Variants in MKLN1 observed in about 807,000 individuals in gnomAD.
The protein encoded by MKLN1 is muskelin 1.
A neutral mutation model predicts 99.0 loss-of-function variants in MKLN1; 18 were observed. The ratio of observed to expected loss-of-function variants is 0.18; its 90% confidence interval spans 0.13 to 0.27. The LOEUF is 0.27. Among genes scored for constraint, MKLN1 ranks in the 10% least tolerant of loss-of-function variants. The pLI is 1.00. For synonymous variants in MKLN1, 288 were observed against 293.2 expected (o/e 0.98, Z 0.18); for missense variants, 621 against 875.9 (o/e 0.71, Z 3.67).
At chr7:131,242,362 C>T (rs563967716) in intron 3 of MKLN1, among the ~76,000 whole-genome samples, 3 of 152,238 alleles carry the variant, frequency 2.0e-5, no homozygotes, top group African/African-American at 7.2e-5. Flanking sequence ...TAGCAAGACT[C>T]CATCTCTACA....
At chr7:131,168,869 C>CTT (rs61416767) in intron 2 of MKLN1, among the ~76,000 whole-genome samples, 2,679 of 139,200 alleles carry the variant, frequency 0.019, 87 homozygotes, top group African/African-American at 0.064. Flanking sequence ...TCGTTGTTTT[C>CTT]TTTTTTTTTT....
rs1584792178 is a variant in MKLN1, at chr7:131,487,070, C to T, written c.2087-537C>T. Among the ~76,000 whole-genome samples, 1 of 152,140 alleles carries T rather than the reference C, an allele frequency of 6.6e-6. No individual in the cohort carries two copies. Among genetic ancestry groups the T allele is most frequent in the African/African-American group, 2.4e-5 (1 of 41,438 alleles). On this transcript the variant is annotated intron_variant, in intron 17 of 17. Transcript: ENST00000352689. The surrounding 1 kb of genome is among the most constrained non-coding windows in gnomAD (Gnocchi z 4.7). ...TCCCTCAGTCGTCTCTGTTACCACT[C>T]AGTTCCCTGAGACTACTTCCAGCTG...
intron 3 of MKLN1, among the ~76,000 whole-genome samples, chr7:131,273,226 C>T (rs1797913662): frequency 6.6e-6 from 1 of 152,212 alleles, no homozygotes; most frequent in African/African-American, 2.4e-5. Context: ...CTGAGACCAG[C>T]TGGTGTGCCT....
chr7:131,328,245 G>A (rs1297166074), intron 1 of MKLN1: 1 of 510,918 alleles, frequency 2.0e-6, no homozygotes, highest in Admixed American at 3.3e-5. Context: ...GCGCGCACAG[G>A]AGAACCGGAA....
chr7:131,122,192 T>A (rs1479886004), intron 1 of MKLN1, among the ~76,000 whole-genome samples: 1 of 152,254 alleles, frequency 6.6e-6, no homozygotes, highest in African/African-American at 2.4e-5. Context: ...GAGAGAAAGA[T>A]GCATGGCAAG....
At chr7:131,406,505 T>C (rs1794711558) in intron 6 of MKLN1, among the ~76,000 whole-genome samples, 1 of 152,048 alleles carries the variant, frequency 6.6e-6, no homozygotes, top group Admixed American at 6.5e-5. Flanking sequence ...GATACCATGT[T>C]CAAAGACCCT....
At chr7:131,268,695 A>G (rs1234180086) in intron 3 of MKLN1, among the ~76,000 whole-genome samples, 1 of 152,140 alleles carries the variant, frequency 6.6e-6, no homozygotes, top group Non-Finnish European at 1.5e-5. Context: ...GAGCTCAGTC[A>G]ATGGCCCTAC....
At chr7:131,461,739 G>A (rs138239396) in intron 12 of MKLN1, among the ~76,000 whole-genome samples, 12 of 152,200 alleles carry the variant, frequency 7.9e-5, no homozygotes, top group African/African-American at 2.9e-4. Flanking sequence ...AATTGTTCAT[G>A]GGTAAAAGAA....
chr7:131,207,929 G>A (rs1022645021), intron 3 of MKLN1, among the ~76,000 whole-genome samples: 7 of 152,192 alleles, frequency 4.6e-5, no homozygotes, highest in African/African-American at 1.7e-4. Context: ...AAGGCAAAAT[G>A]TTTCAGAGGC....
At chr7:131,273,106 T>C (rs1797911977) in intron 3 of MKLN1, among the ~76,000 whole-genome samples, 1 of 152,180 alleles carries the variant, frequency 6.6e-6, no homozygotes, top group Admixed American at 6.6e-5. Flanking sequence ...TAAGTACCTT[T>C]GCCAAGATCA....
chr7:131,283,400 C>CCTTCCTCT (rs1450807412), intron 3 of MKLN1, among the ~76,000 whole-genome samples: 2 of 99,088 alleles, frequency 2.0e-5, no homozygotes, highest in African/African-American at 8.1e-5. Flanking sequence ...TTCCTTCCTT[C>CCTTCCTCT]CTCTCTCTCT....
At chr7:131,268,533 C>G (rs1397781506) in intron 3 of MKLN1, among the ~76,000 whole-genome samples, 1 of 152,158 alleles carries the variant, frequency 6.6e-6, no homozygotes, top group Non-Finnish European at 1.5e-5. Context: ...AAGCATATAA[C>G]CTTCTTCCAT....
chr7:131,186,496 A>G (rs1227090351), intron 2 of MKLN1, among the ~76,000 whole-genome samples: 1 of 151,994 alleles, frequency 6.6e-6, no homozygotes, highest in Admixed American at 6.6e-5. Context: ...AGATAGTTAG[A>G]TCCTGTGTCA....
At chr7:131,183,982 C>T (rs1162820859) in intron 2 of MKLN1, among the ~76,000 whole-genome samples, 1 of 151,568 alleles carries the variant, frequency 6.6e-6, no homozygotes, top group East Asian at 1.9e-4. Context: ...TCACCTCCTC[C>T]TAGTTATCTA....
At chr7:131,463,517 T>C (rs75960889) in intron 13 of MKLN1, among the ~76,000 whole-genome samples, 153 bp downstream of exon 13, 2,456 of 152,290 alleles carry the variant, frequency 0.016, 46 homozygotes, top group African/African-American at 0.054. Context: ...TCGGTACCTA[T>C]GTATACAATG....
chr7:131,276,489 G>A (rs1242520121), intron 3 of MKLN1, among the ~76,000 whole-genome samples: 1 of 152,206 alleles, frequency 6.6e-6, no homozygotes, highest in Non-Finnish European at 1.5e-5. Context: ...AGAGGATGGG[G>A]ACAGCAGCGT....
At chr7:131,371,554 T>G (rs1271410557) in intron 1 of MKLN1, among the ~76,000 whole-genome samples, 1 of 152,174 alleles carries the variant, frequency 6.6e-6, no homozygotes, top group Non-Finnish European at 1.5e-5. Context: ...CCATATCTAA[T>G]AGGCATGTGA....
intron 4 of MKLN1, among the ~76,000 whole-genome samples, chr7:131,396,758 A>G (rs1794374124): frequency 6.6e-6 from 1 of 151,910 alleles, no homozygotes; most frequent in Admixed American, 6.6e-5. Flanking sequence ...CTGGAATGAG[A>G]TCTGTTTGGT....
chr7:131,250,808 T>C (rs994537373), intron 3 of MKLN1, among the ~76,000 whole-genome samples: 2 of 152,178 alleles, frequency 1.3e-5, no homozygotes, highest in African/African-American at 4.8e-5. Flanking sequence ...CGACTCAGGC[T>C]AACTCCAAAT....
Sources: gnomAD v4.1 joint callset for allele counts (sites outside exome capture counted in the v4.1 genomes callset) on GRCh38, gnomAD v4.1.1 for gene constraint, Gnocchi (gnomAD v3.1) non-coding constraint, MANE v1.5 for transcripts, NCBI Gene and HGNC (gene_info 2026-07-23, HGNC 2026-07-21) for gene names.